FAM76A: variants seen among roughly 807,000 people sequenced by gnomAD.
The protein encoded by FAM76A is protein FAM76A.
In FAM76A, 32 loss-of-function variants were observed where a neutral mutation model predicts 46.2. That is an observed-to-expected ratio of 0.69 (90% CI 0.52 to 0.93). The LOEUF is 0.93. Among genes scored for constraint, FAM76A ranks in the 40% least tolerant of loss-of-function variants. The pLI is 0.00. For missense variants in FAM76A, 274 were observed against 361.5 expected (o/e 0.76, Z 1.96); for synonymous variants, 137 against 127.0 (o/e 1.08, Z -0.53).
chr1:27,740,555 G>C, intron 4 of FAM76A: 1 of 1,135,122 alleles, frequency 8.8e-7, no homozygotes, highest in Non-Finnish European at 1.3e-6. Flanking sequence ...GAGGAGTGAG[G>C]ACCCCAGATC....
intron 6 of FAM76A, among the ~76,000 whole-genome samples, chr1:27,750,667 T>A (rs888857835): frequency 3.9e-5 from 6 of 152,374 alleles, no homozygotes; most frequent in Middle Eastern, 3.4e-3. Context: ...CAGTCCTTAA[T>A]GTTCACTTTC....
chr1:27,761,649 A>G lies in FAM76A; in HGVS notation c.*1068A>G, dbSNP rs1444366280. ...CTGCTGTCAGAGAATGTTTTTTTAC[A>G]TGAATGAACAGATTAAAAATGGAAT... On this transcript the variant is annotated 3_prime_UTR_variant, in exon 9 of 9. Transcript: ENST00000373954. The G allele has an allele frequency of 6.6e-6, 1 of 152,584 alleles. No individual in the cohort carries two copies. 9.5% of individuals were successfully genotyped at this position (152,584 alleles called of 1,614,324 possible).
At chr1:27,732,525 A>G (rs2087977047) in intron 2 of FAM76A, 78 bp from the exon 3 acceptor site, 1 of 1,327,226 alleles carries the variant, frequency 7.5e-7, no homozygotes, top group South Asian at 1.3e-5. Context: ...CTTAGCAATG[A>G]GCAAATTCCT....
At chr1:27,738,824 G>A in intron 4 of FAM76A, among the ~76,000 whole-genome samples, 1 of 152,210 alleles carries the variant, frequency 6.6e-6, no homozygotes, top group East Asian at 1.9e-4. Flanking sequence ...GGGCAATCAG[G>A]AGAACCTCTG....
intron 7 of FAM76A, among the ~76,000 whole-genome samples, chr1:27,757,668 C>T (rs2088434228): frequency 6.6e-6 from 1 of 151,926 alleles, no homozygotes; most frequent in Non-Finnish European, 1.5e-5. Context: ...CATGCCTGGC[C>T]CATTTATTCT....
intron 1 of FAM76A, among the ~76,000 whole-genome samples, chr1:27,726,671 A>G: frequency 6.6e-6 from 1 of 150,902 alleles, no homozygotes; most frequent in East Asian, 1.9e-4. Flanking sequence ...GGCCAGTCTC[A>G]GAATCGGAGG....
At chr1:27,750,989 A>AC (rs2088322694) in intron 6 of FAM76A, among the ~76,000 whole-genome samples, 1 of 152,086 alleles carries the variant, frequency 6.6e-6, no homozygotes, top group Non-Finnish European at 1.5e-5. Flanking sequence ...ATGATGAAAC[A>AC]CCATCTCTAA....
chr1:27,754,521 T>C (rs2088380358), intron 6 of FAM76A, among the ~76,000 whole-genome samples: 2 of 152,288 alleles, frequency 1.3e-5, no homozygotes, highest in Non-Finnish European at 2.9e-5. Flanking sequence ...AAGCCCAAGT[T>C]GTTGTGTGAC....
intron 2 of FAM76A, among the ~76,000 whole-genome samples, chr1:27,730,630 C>G (rs2087941691): frequency 6.6e-6 from 1 of 152,156 alleles, no homozygotes; most frequent in African/African-American, 2.4e-5. Flanking sequence ...AATCCTCTTT[C>G]TAGAGATTTC....
intron 4 of FAM76A, among the ~76,000 whole-genome samples, chr1:27,742,723 TAA>T (rs910956512): frequency 2.0e-5 from 3 of 152,100 alleles, no homozygotes; most frequent in African/African-American, 4.8e-5. Context: ...TGAAAATTGT[TAA>T]GAGAGTAGAT....
At chr1:27,744,186 T>C (rs770149671) in intron 4 of FAM76A, among the ~76,000 whole-genome samples, 20 of 152,314 alleles carry the variant, frequency 1.3e-4, no homozygotes, top group African/African-American at 4.6e-4. Context: ...TAGAGTGCCA[T>C]GGCGCGATCT....
At position 27,729,516 on chromosome 1, in the gene FAM76A, G is replaced by GGAT. The variant is rs1449996527; in HGVS notation, c.146+1982_146+1984dup. Among the ~76,000 whole-genome samples, 3 of 146,488 alleles carry GGAT rather than the reference G, an allele frequency of 2.0e-5. No homozygotes were observed. The East Asian group carries it at 5.9e-4, about 29-fold the overall frequency. On this transcript the variant is annotated intron_variant, in intron 2 of 8. Transcript: ENST00000373954. Reference sequence around the variant, plus strand: ...TGACCGACCACACCCAGCCTATCATGGATGTTTTCAAACAAAAAAAAAAGG... The same window carrying GGAT: ...TGACCGACCACACCCAGCCTATCATGGATGATGTTTTCAAACAAAAAAAAAAGG...
intron 6 of FAM76A, 91 bp from the exon 7 acceptor site, chr1:27,755,104 G>A (rs1050123549): frequency 1.4e-6 from 2 of 1,422,344 alleles, no homozygotes; most frequent in African/African-American, 2.8e-5. Flanking sequence ...CCCTTTAGGA[G>A]CTTGCAGACA....
chr1:27,748,124 T>G (rs1020620779), intron 5 of FAM76A, among the ~76,000 whole-genome samples: 3 of 138,580 alleles, frequency 2.2e-5, no homozygotes, highest in Non-Finnish European at 3.1e-5. Context: ...AAAGAAGTTT[T>G]TTTTTTTTTT....
chr1:27,729,726 C>T (rs1248916674), intron 2 of FAM76A, among the ~76,000 whole-genome samples: 1 of 152,140 alleles, frequency 6.6e-6, no homozygotes. Flanking sequence ...GCATGCACAG[C>T]ATTATTTAGA....
At position 27,757,188 on chromosome 1, in the gene FAM76A, C is replaced by CTTTT. The variant is rs1182814614; in HGVS notation, c.735+1880_735+1883dup. Among the ~76,000 whole-genome samples the CTTTT allele has an allele frequency of 1.5e-3, 124 of 81,618 alleles. 5 individuals are homozygous for CTTTT. The highest frequency in any genetic ancestry group is 2.9e-3 in the East Asian group (6 of 2,088). 53.5% of individuals were successfully genotyped at this position (81,618 alleles called of 152,430 possible). On this transcript the variant is annotated intron_variant, in intron 7 of 8. Transcript: ENST00000373954. ...CTTTATATGTATTAACTCATTTATT[C>CTTTT]TTTTTTTTTTTTTTTTTTTTTTTTT...
At chr1:27,735,676 T>A (rs981391065) in intron 4 of FAM76A, among the ~76,000 whole-genome samples, 8 of 152,180 alleles carry the variant, frequency 5.3e-5, no homozygotes, top group Admixed American at 1.3e-4. Context: ...CCCCCAAACC[T>A]GGGTCCCATC....
intron 4 of FAM76A, chr1:27,740,739 AATT>A (rs535511285): frequency 3.5e-5 from 14 of 402,906 alleles, no homozygotes; most frequent in Non-Finnish European, 5.9e-5. Context: ...TTTTCTGAGC[AATT>A]ATTCATTCTA....
intron 4 of FAM76A, 89 bp downstream of exon 4, chr1:27,734,272 G>A: frequency 7.2e-7 from 1 of 1,384,564 alleles, no homozygotes; most frequent in East Asian, 2.6e-5. Context: ...AATAGGCCGG[G>A]CGTGGTGGCT....
Sources: allele counts gnomAD v4.1 joint callset (sites outside exome capture counted in the v4.1 genomes callset), GRCh38; gene constraint gnomAD v4.1.1; transcripts MANE v1.5; gene names NCBI Gene and HGNC (gene_info 2026-07-23, HGNC 2026-07-21).